The following FRMD6 variants were observed in gnomAD, a reference collection of about 807,000 sequenced individuals.
FRMD6 encodes FERM domain-containing protein 6.
A neutral mutation model predicts 73.2 loss-of-function variants in FRMD6; 37 were observed. The observed-to-expected ratio is 0.51, with a 90% confidence interval of 0.39 to 0.66. FRMD6 has a LOEUF of 0.66. FRMD6 is among the 30% of genes least tolerant of loss of function. The pLI, the probability that FRMD6 is intolerant of heterozygous loss-of-function variation, is 0.00. For synonymous variants in FRMD6, 273 were observed against 282.2 expected (o/e 0.97, Z 0.33); for missense variants, 714 against 780.5 (o/e 0.91, Z 1.02).
chr14:51,577,538 AACAC>A (rs1051394738), intron 2 of FRMD6, among the ~76,000 whole-genome samples: 2 of 152,348 alleles, frequency 1.3e-5, no homozygotes, highest in Non-Finnish European at 1.5e-5. Context: ...CGTACAAATA[AACAC>A]ACACATAAAA....
chr14:51,420,909 G>T, the FRMD6 span, among the ~76,000 whole-genome samples: 1 of 152,138 alleles, frequency 6.6e-6, no homozygotes, highest in Non-Finnish European at 1.5e-5. Flanking sequence ...GATTAGCTGG[G>T]ACTACAGGTG....
chr14:51,456,931 A>T, the FRMD6 span, among the ~76,000 whole-genome samples: 1 of 152,256 alleles, frequency 6.6e-6, no homozygotes, highest in Non-Finnish European at 1.5e-5. Flanking sequence ...TGATATATGG[A>T]ATCTAAAAAA....
chr14:51,645,692 C>T (rs1892034323), intron 2 of FRMD6, among the ~76,000 whole-genome samples: 1 of 152,056 alleles, frequency 6.6e-6, no homozygotes, highest in Non-Finnish European at 1.5e-5. Context: ...TCAAGCGATC[C>T]ACCTGCCTTG....
At chr14:51,567,950 C>T (rs527578901) in intron 1 of FRMD6, among the ~76,000 whole-genome samples, 1 of 152,276 alleles carries the variant, frequency 6.6e-6, no homozygotes, top group South Asian at 2.1e-4. Flanking sequence ...TGCTGACACA[C>T]AAATACGTAG....
chr14:51,549,651 A>G (rs1347701276), intron 1 of FRMD6, among the ~76,000 whole-genome samples: 3 of 117,970 alleles, frequency 2.5e-5, no homozygotes, highest in Non-Finnish European at 4.9e-5. Flanking sequence ...GCTGGAGTGC[A>G]GTGGCGCACT....
At chr14:51,588,133 T>C (rs1384577877) in intron 2 of FRMD6, among the ~76,000 whole-genome samples, 2 of 152,178 alleles carry the variant, frequency 1.3e-5, no homozygotes, top group African/African-American at 2.4e-5. Context: ...TTAAGTAATA[T>C]AGACATTTAA....
chr14:51,582,464 A>G (rs541257490), intron 2 of FRMD6, among the ~76,000 whole-genome samples: 2 of 152,272 alleles, frequency 1.3e-5, no homozygotes, highest in African/African-American at 2.4e-5. Context: ...TTGTAACCAC[A>G]CCATTTTGTG....
At position 51,725,604 on chromosome 14, in the gene FRMD6, TGA is replaced by T. The variant is rs34775618; in HGVS notation, c.1493-167_1493-166del. Among the ~76,000 whole-genome samples, 395 of 152,306 alleles carry T rather than the reference TGA, an allele frequency of 2.6e-3. 3 individuals are homozygous for T. The highest frequency in any genetic ancestry group is 9.2e-3 in the African/African-American group (381 of 41,564). On this transcript the variant is annotated intron_variant, in intron 12 of 13. Coordinates refer to ENST00000344768, the MANE Select transcript of FRMD6 (RefSeq NM_001267046.2). ...TCATTAACCTCTATTTACTGTAAGATGAGAGAGAGTGTGTGTGCTGTTCTGGT... is the reference window on the plus strand; with the variant it reads ...TCATTAACCTCTATTTACTGTAAGATGAGAGAGTGTGTGTGCTGTTCTGGT...
chr14:51,441,221 A>C, the FRMD6 span, among the ~76,000 whole-genome samples: 15 of 152,246 alleles, frequency 9.9e-5, no homozygotes, highest in Non-Finnish European at 1.8e-4. Flanking sequence ...AGTATCAGGC[A>C]GCCTTGCCAA....
At chr14:51,517,064 AT>A (rs1186984085) in intron 1 of FRMD6, among the ~76,000 whole-genome samples, 1 of 152,238 alleles carries the variant, frequency 6.6e-6, no homozygotes, top group African/African-American at 2.4e-5. Context: ...ATGTTCTGTT[AT>A]AAAAAATTGA....
chr14:51,602,516 G>A (rs1207342210), intron 2 of FRMD6, among the ~76,000 whole-genome samples: 3 of 152,172 alleles, frequency 2.0e-5, no homozygotes, highest in Non-Finnish European at 4.4e-5. Context: ...AAAATTATAT[G>A]AGAATCACAT....
At chr14:51,559,552 A>G (rs1887361909) in intron 1 of FRMD6, among the ~76,000 whole-genome samples, 2 of 151,970 alleles carry the variant, frequency 1.3e-5, no homozygotes, top group Non-Finnish European at 2.9e-5. Flanking sequence ...TCACCAAGCT[A>G]GAATGACTCC....
intron 1 of FRMD6, among the ~76,000 whole-genome samples, chr14:51,566,518 T>G (rs1887783526): frequency 1.3e-5 from 2 of 152,362 alleles, no homozygotes; most frequent in South Asian, 2.1e-4. Context: ...TTTATCCACT[T>G]TCCAATCTGA....
At chr14:51,458,403 TG>T in the FRMD6 span, among the ~76,000 whole-genome samples, 1 of 152,196 alleles carries the variant, frequency 6.6e-6, no homozygotes, top group African/African-American at 2.4e-5. Flanking sequence ...TTTGAGGTTA[TG>T]TGTCTTATCT....
the FRMD6 span, among the ~76,000 whole-genome samples, chr14:51,423,312 G>A: frequency 6.6e-6 from 1 of 152,112 alleles, no homozygotes; most frequent in East Asian, 1.9e-4. Flanking sequence ...CCTTACATGG[G>A]GGCACCCGTC....
intron 1 of FRMD6, among the ~76,000 whole-genome samples, chr14:51,561,295 C>A (rs1267069090): frequency 6.6e-6 from 1 of 152,160 alleles, no homozygotes; most frequent in African/African-American, 2.4e-5. Flanking sequence ...TGGCCTCTAA[C>A]CCTAACCCTG....
intron 2 of FRMD6, among the ~76,000 whole-genome samples, chr14:51,581,757 G>A (rs764445133): frequency 2.0e-5 from 3 of 152,202 alleles, no homozygotes; most frequent in Non-Finnish European, 2.9e-5. Context: ...TGTCTAAGCA[G>A]TGCTAGTGAA....
At chr14:51,678,897 G>T (rs909983830) in intron 1 of FRMD6, among the ~76,000 whole-genome samples, 38 of 152,096 alleles carry the variant, frequency 2.5e-4, no homozygotes, top group Admixed American at 1.7e-3. Flanking sequence ...GGAACAGCAT[G>T]GTCAAAAGCA....
the FRMD6 span, among the ~76,000 whole-genome samples, chr14:51,439,799 T>C: frequency 6.6e-6 from 1 of 152,236 alleles, no homozygotes; most frequent in South Asian, 2.1e-4. Flanking sequence ...AATATATATG[T>C]ATATTTTATA....
Sources: allele counts gnomAD v4.1 joint callset (sites outside exome capture counted in the v4.1 genomes callset), GRCh38; gene constraint gnomAD v4.1.1; transcripts MANE v1.5; gene names NCBI Gene and HGNC (gene_info 2026-07-23, HGNC 2026-07-21).